Variants in ATP9B observed in about 807,000 individuals in gnomAD.
ATP9B encodes the protein ATPase phospholipid transporting 9B.
In ATP9B, 110 loss-of-function variants were observed where a neutral mutation model predicts 146.1. The observed-to-expected ratio is 0.75, with a 90% CI of 0.65 to 0.88. ATP9B has a LOEUF of 0.88. Ranked by LOEUF, ATP9B falls within the 40% of genes least tolerant of loss-of-function variation. The pLI is 0.00. For synonymous variants in ATP9B, 604 were observed against 569.7 expected, an observed-to-expected ratio of 1.06 and a Z score of -0.86; for missense variants, 1,499 against 1,496.4, an observed-to-expected ratio of 1.00 and a Z score of -0.03.
rs370094135 is a variant in ATP9B at position 79,285,614 on chromosome 18, T to G, written c.1411+8418T>G. On this transcript the variant is annotated intron_variant, in intron 13 of 29. Transcript: ENST00000426216. Reference sequence around the variant, plus strand: ...TTTCTTTTGCTCTGCAGAAGCTCTTTAGTTTAATTAGATCCCATTTGTCAA... The same window carrying G: ...TTTCTTTTGCTCTGCAGAAGCTCTTGAGTTTAATTAGATCCCATTTGTCAA... Among the ~76,000 whole-genome samples, 396 of 150,538 alleles carry G rather than the reference T, an allele frequency of 2.6e-3. 1 individual carries two copies. Among genetic ancestry groups the G allele is most frequent in the South Asian group, 8.9e-3 (43 of 4,820 alleles).
chr18:79,108,060 G>T (rs1187933102), intron 2 of ATP9B, among the ~76,000 whole-genome samples: 1 of 152,198 alleles, frequency 6.6e-6, no homozygotes, highest in Non-Finnish European at 1.5e-5. Flanking sequence ...AGATAAAAGA[G>T]TGATGATTTA....
chr18:79,070,720 T>G (rs1325001253), intron 1 of ATP9B, among the ~76,000 whole-genome samples: 7 of 152,240 alleles, frequency 4.6e-5, no homozygotes, highest in African/African-American at 1.7e-4. Flanking sequence ...CAAGATTTTT[T>G]GTCATCTCGG....
intron 2 of ATP9B, among the ~76,000 whole-genome samples, chr18:79,100,702 G>A (rs906981784): frequency 4.6e-5 from 7 of 152,128 alleles, no homozygotes; most frequent in Admixed American, 3.9e-4. Flanking sequence ...AGACATACCC[G>A]AGACTGGGCA....
Position 79,245,661 on chromosome 18 carries a change from G to T in ATP9B, c.1108-7720G>T, listed in dbSNP as rs67005832. Among the ~76,000 whole-genome samples, 117 of 136,272 alleles carry T rather than the reference G, an allele frequency of 8.6e-4. 2 individuals are homozygous for T. The highest frequency in any genetic ancestry group is 6.3e-4 in the Non-Finnish European group (40 of 63,342). 89.4% of individuals were successfully genotyped at this position (136,272 alleles called of 152,430 possible). ...CGCCCTACTGACTGAGGAGGGTACCGCCCTAGTGACTGTGCGGAGGGCACC... is the reference window on the plus strand; with the variant it reads ...CGCCCTACTGACTGAGGAGGGTACCTCCCTAGTGACTGTGCGGAGGGCACC... On this transcript the variant is annotated intron_variant, in intron 11 of 29. Coordinates refer to ENST00000426216, the MANE Select transcript of ATP9B (RefSeq NM_198531.5).
intron 5 of ATP9B, among the ~76,000 whole-genome samples, chr18:79,135,797 G>A (rs758448391): frequency 4.6e-5 from 7 of 152,084 alleles, no homozygotes; most frequent in Admixed American, 1.3e-4. Flanking sequence ...TTATACTTAC[G>A]AATATCCATT....
At chr18:79,081,419 C>T (rs1039787860) in intron 1 of ATP9B, among the ~76,000 whole-genome samples, 4 of 152,090 alleles carry the variant, frequency 2.6e-5, no homozygotes, top group African/African-American at 9.6e-5. Context: ...ATAGTATTCT[C>T]TGATGGTAGT....
At chr18:79,336,857 G>T (rs566811069) in intron 18 of ATP9B, 146 bp downstream of exon 18, 24 of 783,182 alleles carry the variant, frequency 3.1e-5, no homozygotes, top group Middle Eastern at 4.9e-4. Context: ...AGCATGGGGT[G>T]ATCCTGTCTG....
At chr18:79,224,568 C>T (rs1401121923) in intron 11 of ATP9B, among the ~76,000 whole-genome samples, 1 of 152,146 alleles carries the variant, frequency 6.6e-6, no homozygotes, top group Non-Finnish European at 1.5e-5. Flanking sequence ...TTTGTGGCTA[C>T]CATACATCAA....
chr18:79,343,080 C>G (rs2096867745), intron 20 of ATP9B, among the ~76,000 whole-genome samples: 1 of 152,188 alleles, frequency 6.6e-6, no homozygotes, highest in African/African-American at 2.4e-5. Context: ...TGCGTCTGTT[C>G]TAAATGAATC....
intron 1 of ATP9B, among the ~76,000 whole-genome samples, chr18:79,083,657 TG>T (rs2073499960): frequency 6.6e-6 from 1 of 151,866 alleles, no homozygotes; most frequent in Admixed American, 6.6e-5. Flanking sequence ...TGGCTAGGGG[TG>T]GGGAAGTTTG....
At position 79,231,036 on chromosome 18, in the gene ATP9B, A is replaced by G. The variant is rs1396742865; in HGVS notation, c.1107+16998A>G. 1.3e-5 allele frequency among the ~76,000 whole-genome samples: 2 copies of G among 152,246 alleles called. 1 individual carries two copies. Among genetic ancestry groups the G allele is most frequent in the Non-Finnish European group, 2.9e-5 (2 of 68,038 alleles). The stretch of plus-strand genomic sequence containing the variant: ...TCAAAGACTTAAGTCTAAGACCTGA[A>G]ACCATACAAATTCTAGAAGATAACA... On this transcript the variant is annotated intron_variant, in intron 11 of 29. Coordinates refer to ENST00000426216, the MANE Select transcript of ATP9B (RefSeq NM_198531.5).
At chr18:79,264,639 C>T (rs2096182175) in intron 12 of ATP9B, among the ~76,000 whole-genome samples, 1 of 149,270 alleles carries the variant, frequency 6.7e-6, no homozygotes, top group African/African-American at 2.5e-5. Context: ...AGAAGCTTAA[C>T]TGTTTTTCCT....
chr18:79,174,066 A>G (rs1366491928), intron 7 of ATP9B: 1 of 296,496 alleles, frequency 3.4e-6, no homozygotes, highest in Non-Finnish European at 6.6e-6. Flanking sequence ...TTGTAGAATC[A>G]TCATCATTTT....
Position 79,342,295 on chromosome 18 carries a change from G to A in ATP9B, c.2311G>A (p.Glu771Lys), listed in dbSNP as rs752963660. The A allele has an allele frequency of 3.7e-6, 6 of 1,613,554 alleles. No individual in the cohort carries two copies. Among genetic ancestry groups the A allele is most frequent in the Admixed American group, 1.7e-5 (1 of 59,982 alleles). Residue 771 changes from glutamate (E) to lysine (K), a missense_variant, in exon 20 of 30, where the codon GAG becomes AAG. Glu to Lys is a moderately conservative substitution (Grantham distance 56). Transcript: ENST00000426216. ...ATGGATGCTAACAGGCGATAAACTC[G>A]AGACAGCTACCTGCATTGCCAAAAG... is the stretch of plus-strand genomic sequence containing the variant. ...KIWMLTGDKLETATCIAKSSH... is the reference protein window; with the variant it reads ...KIWMLTGDKLKTATCIAKSSH...
intron 12 of ATP9B, among the ~76,000 whole-genome samples, chr18:79,270,877 A>G (rs1253074319): frequency 3.3e-5 from 5 of 152,182 alleles, no homozygotes; most frequent in South Asian, 2.1e-4. Flanking sequence ...GACTTCCCAC[A>G]TGAAAGTCGG....
In ATP9B at chr18:79,279,789, G is replaced by T. The variant is rs148004445; in HGVS notation, c.1411+2593G>T. On this transcript the variant is annotated intron_variant, in intron 13 of 29. Coordinates refer to ENST00000426216, the MANE Select transcript of ATP9B (RefSeq NM_198531.5). ...ATAGAATATCTTAGCATAATAAAGA[G>T]ATATCATTTCTTCTCACATTGAAAG... Among the ~76,000 whole-genome samples, 283 of 152,272 alleles carry T rather than the reference G, an allele frequency of 1.9e-3. 5 individuals carry two copies. In the Middle Eastern group the frequency reaches 0.051, roughly 28 times the overall value.
chr18:79,325,372 G>C (rs149528816), intron 15 of ATP9B, among the ~76,000 whole-genome samples: 3 of 152,214 alleles, frequency 2.0e-5, no homozygotes, highest in African/African-American at 7.2e-5. Flanking sequence ...TCTCAATACT[G>C]CTTTTCCAGA....
At chr18:79,201,916 C>T (rs1488230071) in intron 9 of ATP9B, among the ~76,000 whole-genome samples, 1 of 152,012 alleles carries the variant, frequency 6.6e-6, no homozygotes, top group Non-Finnish European at 1.5e-5. Flanking sequence ...GTGGCTACAG[C>T]TGGAGCACGC....
chr18:79,083,444 A>G (rs968141241), intron 1 of ATP9B, among the ~76,000 whole-genome samples: 1 of 152,064 alleles, frequency 6.6e-6, no homozygotes, highest in Admixed American at 6.5e-5. Flanking sequence ...TCCAGGCGCC[A>G]CTGGGGTATG....
Sources: gnomAD v4.1 joint callset for allele counts (sites outside exome capture counted in the v4.1 genomes callset) on GRCh38, gnomAD v4.1.1 for gene constraint, MANE v1.5 for transcripts, NCBI Gene and HGNC (gene_info 2026-07-23, HGNC 2026-07-21) for gene names.